Variants in CSMD3 observed in about 807,000 individuals in gnomAD.
The protein encoded by CSMD3 is CUB and Sushi multiple domains 3.
A neutral mutation model predicts 435.2 loss-of-function variants in CSMD3; 177 were observed. The observed-to-expected ratio is 0.41, with a 90% CI of 0.36 to 0.46. The LOEUF (loss-of-function observed/expected upper bound fraction) is 0.46. Among genes scored for constraint, CSMD3 ranks in the 20% least tolerant of loss-of-function variants. The pLI is 0.34. For synonymous variants in CSMD3, 1,656 were observed against 1,520.5 expected (o/e 1.09, Z -2.07); for missense variants, 4,265 against 4,504.6 (o/e 0.95, Z 1.52).
chr8:112,283,693 C>T (rs954537208), intron 58 of CSMD3, among the ~76,000 whole-genome samples: 4 of 151,490 alleles, frequency 2.6e-5, no homozygotes, highest in African/African-American at 9.7e-5. Context: ...AACCAATTCC[C>T]TGTTGAAAAA....
intron 1 of CSMD3, among the ~76,000 whole-genome samples, chr8:113,325,543 T>TACA (rs1319765116): frequency 6.6e-6 from 1 of 152,194 alleles, no homozygotes; most frequent in Non-Finnish European, 1.5e-5. Context: ...CTTTCTTTTG[T>TACA]AAATTGTTGA....
chr8:113,305,262 T>A (rs143037928), intron 2 of CSMD3, among the ~76,000 whole-genome samples: 74 of 152,244 alleles, frequency 4.9e-4, no homozygotes, highest in African/African-American at 1.7e-3. Flanking sequence ...GTAACTAATC[T>A]GCACATTGTA....
intron 6 of CSMD3, among the ~76,000 whole-genome samples, chr8:112,991,512 C>G (rs1044488828): frequency 6.6e-6 from 1 of 151,762 alleles, no homozygotes; most frequent in African/African-American, 2.4e-5. Flanking sequence ...TATTAAATAT[C>G]ACCGAATCTG....
At chr8:112,230,987 A>G (rs1813034326) in intron 69 of CSMD3, among the ~76,000 whole-genome samples, 1 of 152,190 alleles carries the variant, frequency 6.6e-6, no homozygotes, top group Non-Finnish European at 1.5e-5. Flanking sequence ...CCAGACCATT[A>G]AAGGTTTATA....
At chr8:113,419,125 G>GT (rs59486645) in intron 1 of CSMD3, among the ~76,000 whole-genome samples, 3,145 of 133,354 alleles carry the variant, frequency 0.024, 102 homozygotes, top group African/African-American at 0.068. Flanking sequence ...TTTTTGGTTT[G>GT]TTTTTTTTTT....
At chr8:112,860,166 C>G (rs1387913989) in intron 10 of CSMD3, among the ~76,000 whole-genome samples, 1 of 151,680 alleles carries the variant, frequency 6.6e-6, no homozygotes, top group East Asian at 1.9e-4. Flanking sequence ...AGAATTTCAG[C>G]CCAGGTCTTC....
At chr8:112,331,914 AT>A (rs1322032808) in intron 45 of CSMD3, among the ~76,000 whole-genome samples, 1 of 152,086 alleles carries the variant, frequency 6.6e-6, no homozygotes, top group Non-Finnish European at 1.5e-5. Context: ...AGATTTCCTT[AT>A]GACATTGAGC....
intron 59 of CSMD3, among the ~76,000 whole-genome samples, chr8:112,271,629 T>G (rs947232538): frequency 2.6e-5 from 4 of 152,162 alleles, no homozygotes; most frequent in African/African-American, 9.6e-5. Context: ...AAAAGAAAGT[T>G]GTTTCCTCTC....
intron 32 of CSMD3, among the ~76,000 whole-genome samples, chr8:112,437,450 A>G (rs1814487211): frequency 6.6e-6 from 1 of 152,122 alleles, no homozygotes; most frequent in South Asian, 2.1e-4. Context: ...AGCCTTTGTC[A>G]CGACGGAATA....
intron 22 of CSMD3, among the ~76,000 whole-genome samples, chr8:112,606,928 A>C (rs1414552614): frequency 3.4e-5 from 5 of 146,756 alleles, no homozygotes; most frequent in Non-Finnish European, 7.5e-5. Context: ...TGAAGAAAAT[A>C]GAAAGATCTC....
intron 1 of CSMD3, among the ~76,000 whole-genome samples, chr8:113,397,866 A>G (rs1272321977): frequency 6.9e-6 from 1 of 144,524 alleles, no homozygotes; most frequent in Non-Finnish European, 1.5e-5. Context: ...ATAAATAAAT[A>G]AAGAACACAG....
intron 6 of CSMD3, among the ~76,000 whole-genome samples, chr8:113,007,329 AT>A (rs1300379370): frequency 6.6e-6 from 1 of 151,996 alleles, no homozygotes; most frequent in East Asian, 1.9e-4. Flanking sequence ...ACTTAGACAA[AT>A]GACTGTAAAG....
chr8:113,273,673 G>A (rs1048523021), intron 3 of CSMD3, among the ~76,000 whole-genome samples: 1 of 152,066 alleles, frequency 6.6e-6, no homozygotes, highest in Non-Finnish European at 1.5e-5. Context: ...CACAGATAAA[G>A]GACAATGGGA....
intron 6 of CSMD3, among the ~76,000 whole-genome samples, chr8:113,009,313 C>A (rs1356118755): frequency 6.6e-6 from 1 of 151,646 alleles, no homozygotes; most frequent in Non-Finnish European, 1.5e-5. Context: ...AATTTTGGAC[C>A]TAGAAAGAAC....
At position 112,494,486 on chromosome 8, in the gene CSMD3, CTT is replaced by C. The variant is rs1312234330; in HGVS notation, c.5084-1805_5084-1804del. On this transcript the variant is annotated intron_variant, in intron 30 of 70. Coordinates refer to ENST00000297405, the MANE Select transcript of CSMD3 (RefSeq NM_198123.2). ...CCTTTCTCTTTCTTTTCTTTTGTTT[CTT>C]TCTCTCCTTTCTTTCTTTCTTTCTT... Among the ~76,000 whole-genome samples, 15 of 93,290 alleles carry C rather than the reference CTT, an allele frequency of 1.6e-4. 1 individual carries two copies. The highest frequency in any genetic ancestry group is 4.0e-4 in the African/African-American group (13 of 32,366). 61.2% of individuals were successfully genotyped at this position (93,290 alleles called of 152,430 possible). A position where few individuals can be genotyped will look rare whatever the true frequency, so the allele number is the denominator to read the frequency against.
intron 1 of CSMD3, among the ~76,000 whole-genome samples, chr8:113,389,929 A>T (rs1294413544): frequency 6.6e-6 from 1 of 151,636 alleles, no homozygotes; most frequent in Non-Finnish European, 1.5e-5. Context: ...ATAGTGACTG[A>T]CTCAGTATTT....
At chr8:112,528,492 G>A (rs142647766) in intron 27 of CSMD3, among the ~76,000 whole-genome samples, 184 of 152,120 alleles carry the variant, frequency 1.2e-3, no homozygotes, top group African/African-American at 4.0e-3. Flanking sequence ...CAAAGATGTC[G>A]TGATGCCAGT....
At chr8:112,467,536 A>ATC (rs35938222) in intron 32 of CSMD3, among the ~76,000 whole-genome samples, 2,642 of 152,092 alleles carry the variant, frequency 0.017, 78 homozygotes, top group African/African-American at 0.06. Flanking sequence ...GTATATATAT[A>ATC]GTTCACCCTT....
At chr8:112,695,526 C>A (rs1376099111) in intron 13 of CSMD3, among the ~76,000 whole-genome samples, 1 of 152,098 alleles carries the variant, frequency 6.6e-6, no homozygotes, top group Non-Finnish European at 1.5e-5. Context: ...TGACAAAATT[C>A]AACAGCCCTT....
Sources: gnomAD v4.1 joint callset for allele counts (sites outside exome capture counted in the v4.1 genomes callset) on GRCh38, gnomAD v4.1.1 for gene constraint, MANE v1.5 for transcripts, NCBI Gene and HGNC (gene_info 2026-07-23, HGNC 2026-07-21) for gene names.